The following AGBL4 variants were observed in gnomAD, a reference collection of about 807,000 sequenced individuals.
The protein encoded by AGBL4 is AGBL carboxypeptidase 4.
Under a neutral mutation model 66.4 loss-of-function variants are expected in AGBL4, and 58 were observed. That is an observed-to-expected ratio of 0.87 (90% CI 0.71 to 1.09). The LOEUF (loss-of-function observed/expected upper bound fraction) is 1.09. AGBL4 is among the 50% of genes least tolerant of loss of function. AGBL4 has a pLI of 0.00. For synonymous variants in AGBL4, 234 were observed against 222.9 expected (o/e 1.05, Z -0.44); for missense variants, 579 against 631.0 (o/e 0.92, Z 0.88).
intron 6 of AGBL4, among the ~76,000 whole-genome samples, chr1:48,732,028 T>G (rs962987111): frequency 6.6e-6 from 1 of 152,004 alleles, no homozygotes; most frequent in African/African-American, 2.4e-5. Context: ...CTCTCCATAT[T>G]TGGAAAAAGT....
chr1:48,871,559 C>T (rs1648679020), intron 5 of AGBL4, among the ~76,000 whole-genome samples: 1 of 152,054 alleles, frequency 6.6e-6, no homozygotes, highest in African/African-American at 2.4e-5. Flanking sequence ...TATGTGGACT[C>T]CTGGCTGTGT....
At chr1:48,769,194 G>A (rs1644681050) in intron 6 of AGBL4, among the ~76,000 whole-genome samples, 1 of 152,198 alleles carries the variant, frequency 6.6e-6, no homozygotes, top group Non-Finnish European at 1.5e-5. Context: ...GGTAACAGTA[G>A]ATGAGCTAGA....
chr1:49,979,428 T>G (rs1261655682), intron 1 of AGBL4, among the ~76,000 whole-genome samples: 1 of 149,116 alleles, frequency 6.7e-6, no homozygotes, highest in Non-Finnish European at 1.5e-5. Context: ...GCCACTGCAG[T>G]CCGCAGTCCG....
chr1:49,841,932 G>A (rs1168132602), intron 2 of AGBL4: 14 of 618,034 alleles, frequency 2.3e-5, no homozygotes, highest in East Asian at 7.6e-5. Context: ...TGAGAATCTC[G>A]GCCTCCTCGA....
intron 8 of AGBL4, 138 bp downstream of exon 8, chr1:48,653,199 G>A (rs990472974): frequency 3.1e-6 from 2 of 642,732 alleles, no homozygotes; most frequent in Non-Finnish European, 5.2e-6. Context: ...ATTCTCAAGA[G>A]CCAGGGTGAA....
At chr1:49,689,442 T>C (rs1646845819) in intron 3 of AGBL4, among the ~76,000 whole-genome samples, 1 of 152,208 alleles carries the variant, frequency 6.6e-6, no homozygotes, top group African/African-American at 2.4e-5. Flanking sequence ...TGTCTGCTTT[T>C]ATGCCAGTAC....
rs552786281 is a variant in AGBL4, at chr1:49,288,324, C to A, written c.283-42460G>T. 3.4e-4 allele frequency among the ~76,000 whole-genome samples: 51 copies of A among 150,722 alleles called. No homozygotes were observed. The South Asian group carries it at 6.1e-3, about 18-fold the overall frequency. The stretch of plus-strand genomic sequence containing the variant: ...GCACATGTATACATATGTAACTAAC[C>A]TGCACAATGTGCACATGTACCCTAA... On this transcript the variant is annotated intron_variant, in intron 3 of 13. Transcript: ENST00000371839.
intron 1 of AGBL4, among the ~76,000 whole-genome samples, chr1:50,012,344 T>C (rs1298934919): frequency 6.6e-6 from 1 of 152,110 alleles, no homozygotes; most frequent in African/African-American, 2.4e-5. Flanking sequence ...TAAAATAATT[T>C]AGAGTGTAAT....
In AGBL4 at chr1:49,064,329, G is replaced by C. The variant is rs187606109; in HGVS notation, c.378-18529C>G. On this transcript the variant is annotated intron_variant, in intron 4 of 13. Coordinates refer to ENST00000371839, the MANE Select transcript of AGBL4 (RefSeq NM_032785.4). ...TACTTTGGTGGGGTCACAAGTAAAA[G>C]GCCTTGCTGTTCCTTGCCAAAGCAC... Among the ~76,000 whole-genome samples, 9 of 152,288 alleles carry C rather than the reference G, an allele frequency of 5.9e-5. No individual in the cohort carries two copies. In the East Asian group the frequency reaches 1.7e-3, roughly 29 times the overall value.
chr1:49,803,548 G>A (rs1644910905), intron 2 of AGBL4, among the ~76,000 whole-genome samples: 1 of 152,072 alleles, frequency 6.6e-6, no homozygotes, highest in Non-Finnish European at 1.5e-5. Flanking sequence ...TAAAGATTTG[G>A]AATCCTAGTC....
intron 5 of AGBL4, among the ~76,000 whole-genome samples, chr1:49,017,699 G>A (rs952943499): frequency 2.0e-5 from 3 of 152,106 alleles, no homozygotes; most frequent in African/African-American, 4.8e-5. Context: ...CTACCTCTGA[G>A]TATACTGACT....
chr1:49,332,916 C>T (rs1234828703), intron 3 of AGBL4, among the ~76,000 whole-genome samples: 5 of 152,174 alleles, frequency 3.3e-5, no homozygotes, highest in African/African-American at 1.2e-4. Context: ...TCCATATCCT[C>T]TCCAGCATCT....
chr1:49,597,394 T>C (rs1644871869), intron 3 of AGBL4, among the ~76,000 whole-genome samples: 5 of 152,114 alleles, frequency 3.3e-5, no homozygotes. Flanking sequence ...CAAAATGGGG[T>C]CCTAACTAAG....
chr1:49,764,512 G>C (rs1652591456), intron 2 of AGBL4, among the ~76,000 whole-genome samples: 1 of 152,064 alleles, frequency 6.6e-6, no homozygotes, highest in Non-Finnish European at 1.5e-5. Context: ...CCTCAACTTT[G>C]GGCTGGCCTG....
intron 4 of AGBL4, among the ~76,000 whole-genome samples, chr1:49,213,175 G>A (rs80292072): frequency 0.028 from 4,200 of 152,164 alleles, 169 homozygotes; most frequent in African/African-American, 0.096. Context: ...ACTATAATAT[G>A]ATAATTACTA....
chr1:48,539,716 C>A lies in AGBL4; in HGVS notation c.1290G>T (p.Val430=). The change falls in exon 12 of 14, where the codon GTG becomes GTT. Residue 430 remains valine, a synonymous_variant. Coordinates refer to ENST00000371839, the MANE Select transcript of AGBL4 (RefSeq NM_032785.4). The part of the protein sequence containing the change: ...EEAYMKLGRN[V]ARTFLDYYRL... ...GATAATAGTCCAAAAAGGTTCTTGC[C>A]ACATTCCGCCCCAGCTTCATATCTG... The A allele has an allele frequency of 6.5e-7, 1 of 1,542,836 alleles. No individual in the cohort carries two copies. Among genetic ancestry groups the A allele is most frequent in the South Asian group, 1.2e-5 (1 of 83,070 alleles).
At chr1:49,008,256 A>C (rs1337386973) in intron 5 of AGBL4, among the ~76,000 whole-genome samples, 1 of 151,984 alleles carries the variant, frequency 6.6e-6, no homozygotes. Context: ...ACTTTAAACC[A>C]ACAAAGATCA....
intron 5 of AGBL4, among the ~76,000 whole-genome samples, chr1:49,031,793 A>G (rs1016905015): frequency 6.6e-6 from 1 of 152,146 alleles, no homozygotes; most frequent in African/African-American, 2.4e-5. Flanking sequence ...ATCCTTACGC[A>G]TAGAGCAGTA....
chr1:49,860,623 C>T (rs1571733862), intron 1 of AGBL4, among the ~76,000 whole-genome samples: 1 of 152,144 alleles, frequency 6.6e-6, no homozygotes, highest in Non-Finnish European at 1.5e-5. Context: ...CACCTCAGCC[C>T]AGGAGCTCGA....
Sources: gnomAD v4.1 joint callset for allele counts (sites outside exome capture counted in the v4.1 genomes callset) on GRCh38, gnomAD v4.1.1 for gene constraint, MANE v1.5 for transcripts, NCBI Gene and HGNC (gene_info 2026-07-23, HGNC 2026-07-21) for gene names.